Variants in TG observed in about 807,000 individuals in gnomAD.
The protein encoded by TG is thyroid hormones.
Under a neutral mutation model 324.7 loss-of-function variants are expected in TG, and 270 were observed. The observed-to-expected ratio is 0.83, with a 90% CI of 0.75 to 0.92. The LOEUF (loss-of-function observed/expected upper bound fraction) is 0.92. TG is among the 40% of genes least tolerant of loss of function. TG has a pLI of 0.00. For synonymous variants in TG, 1,401 were observed against 1,327.0 expected, an observed-to-expected ratio of 1.06 and a Z score of -1.21; for missense variants, 3,591 against 3,456.4, an observed-to-expected ratio of 1.04 and a Z score of -0.98.
chr8:133,117,345 CA>C (rs1850780952), intron 45 of TG, among the ~76,000 whole-genome samples: 1 of 152,124 alleles, frequency 6.6e-6, no homozygotes, highest in Admixed American at 6.5e-5. Context: ...AATAGCTGAA[CA>C]AAGGAAGCAG....
At chr8:132,956,556 G>C (rs1826900889) in intron 27 of TG, among the ~76,000 whole-genome samples, 3 of 152,160 alleles carry the variant, frequency 2.0e-5, no homozygotes, top group Non-Finnish European at 1.5e-5. Flanking sequence ...AGAGAACAGG[G>C]TTCTAGGCAG....
At position 133,082,261 on chromosome 8, in the gene TG, G is replaced by A. The variant is rs1391544897; in HGVS notation, c.7240-12783G>A. ...TTCAAAAACTGTAAGTTCCAAGAAG[G>A]CAGGAGTGTATCTGTTTGGCCAGTT... On this transcript the variant is annotated intron_variant, in intron 41 of 47. Transcript: ENST00000220616. Among the ~76,000 whole-genome samples, 3 of 152,168 alleles carry A rather than the reference G, an allele frequency of 2.0e-5. No individual in the cohort carries two copies. In the East Asian group the frequency reaches 5.8e-4, roughly 29 times the overall value.
intron 41 of TG, among the ~76,000 whole-genome samples, chr8:133,088,068 G>T (rs1846889019): frequency 6.6e-6 from 1 of 152,218 alleles, no homozygotes; most frequent in South Asian, 2.1e-4. Context: ...GGTAGTGGGA[G>T]TTTAAAGGAG....
At chr8:133,068,153 A>G (rs1164730329) in intron 41 of TG, among the ~76,000 whole-genome samples, 1 of 152,244 alleles carries the variant, frequency 6.6e-6, no homozygotes, top group Non-Finnish European at 1.5e-5. Flanking sequence ...AAAGGCTCAG[A>G]GAGGGCAAGC....
intron 41 of TG, among the ~76,000 whole-genome samples, chr8:133,077,735 ATGTGTGTGTGTG>A (rs34749093): frequency 2.0e-5 from 3 of 148,062 alleles, no homozygotes; most frequent in African/African-American, 7.5e-5. Context: ...TCTGGTGTGT[ATGTGTGTGTGTG>A]TGTGTGTGTG....
chr8:132,977,424 T>C (rs1393002310), intron 34 of TG, among the ~76,000 whole-genome samples: 1 of 152,142 alleles, frequency 6.6e-6, no homozygotes, highest in African/African-American at 2.4e-5. Flanking sequence ...GTGACATCTA[T>C]ACTGAGTGAT....
intron 47 of TG, 106 bp downstream of exon 47, chr8:133,133,766 A>C: frequency 3.9e-6 from 5 of 1,284,422 alleles, no homozygotes; most frequent in Non-Finnish European, 5.5e-6. Flanking sequence ...CCAAGGGGTC[A>C]CCAGTGCCAA....
At chr8:133,020,797 T>A (rs910809539) in intron 39 of TG, among the ~76,000 whole-genome samples, 2 of 152,152 alleles carry the variant, frequency 1.3e-5, no homozygotes, top group African/African-American at 4.8e-5. Context: ...TCTACCACCT[T>A]GGGTGGAAGA....
chr8:133,081,404 G>C (rs766659564), intron 41 of TG, among the ~76,000 whole-genome samples: 14 of 152,190 alleles, frequency 9.2e-5, no homozygotes, highest in South Asian at 2.1e-4. Flanking sequence ...AAACCATCTG[G>C]GGGGAGAGCA....
intron 47 of TG, among the ~76,000 whole-genome samples, 168 bp from the exon 48 acceptor site, chr8:133,134,508 A>G (rs1263473479): frequency 6.6e-6 from 1 of 152,190 alleles, no homozygotes; most frequent in African/African-American, 2.4e-5. Context: ...GCATGTCCCT[A>G]TAGCCAGGAG....
chr8:133,054,891 CA>C (rs1476606929), intron 41 of TG, among the ~76,000 whole-genome samples: 1 of 152,138 alleles, frequency 6.6e-6, no homozygotes, highest in African/African-American at 2.4e-5. Context: ...GCTGCATGAC[CA>C]TTTCTTTTTA....
chr8:133,100,941 A>G (rs372029074), intron 43 of TG, among the ~76,000 whole-genome samples: 119 of 150,366 alleles, frequency 7.9e-4, no homozygotes, highest in Middle Eastern at 6.8e-3. Flanking sequence ...GTAGGGAACC[A>G]TGAACCAGTA....
At position 133,095,148 on chromosome 8, in the gene TG, A is replaced by G. The variant is rs764131418; in HGVS notation, c.7344A>G (p.Gln2448=). ...TCAGTTGCCCCATGTCATCCAGCCA[A>G]GAAGTGGTGTCCTGCCTCCGCCAGA... ...KEVSCPMSSS[Q]EVVSCLRQKP... is the part of the protein sequence containing the mutation. Residue 2448 remains glutamine, a synonymous_variant, in exon 42 of 48, where the codon CAA becomes CAG. Transcript: ENST00000220616. 2 of 1,614,264 alleles carry G rather than the reference A, an allele frequency of 1.2e-6. No homozygotes were observed. The highest frequency in any genetic ancestry group is 1.7e-6 in the Non-Finnish European group (2 of 1,180,046).
intron 15 of TG, 90 bp downstream of exon 15, chr8:132,900,429 C>A: frequency 1.7e-6 from 2 of 1,205,040 alleles, no homozygotes; most frequent in Non-Finnish European, 2.4e-6. Flanking sequence ...TGTCCCAGCT[C>A]TACTGCTTCC....
intron 34 of TG, among the ~76,000 whole-genome samples, chr8:132,978,757 C>T (rs1027892424): frequency 6.6e-6 from 1 of 152,122 alleles, no homozygotes; most frequent in Non-Finnish European, 1.5e-5. Flanking sequence ...GTAGCATGTC[C>T]CTGCCCTTAC....
At chr8:132,965,389 T>G (rs1205876794) in intron 29 of TG, among the ~76,000 whole-genome samples, 1 of 152,196 alleles carries the variant, frequency 6.6e-6, no homozygotes, top group African/African-American at 2.4e-5. Context: ...GCCTGCTTTA[T>G]GAAGTGTGGA....
intron 10 of TG, among the ~76,000 whole-genome samples, chr8:132,888,971 T>C (rs765152511): frequency 2.0e-5 from 3 of 152,194 alleles, no homozygotes; most frequent in Non-Finnish European, 2.9e-5. Flanking sequence ...AATTGACCAA[T>C]GAATATTACA....
intron 44 of TG, among the ~76,000 whole-genome samples, chr8:133,114,071 G>A (rs1281072612): frequency 6.6e-6 from 1 of 152,154 alleles, no homozygotes; most frequent in African/African-American, 2.4e-5. Flanking sequence ...CCCATAGTGG[G>A]GCAGCATTTT....
At chr8:133,042,678 C>CTT (rs58739514) in intron 41 of TG, among the ~76,000 whole-genome samples, 1,443 of 56,658 alleles carry the variant, frequency 0.025, 342 homozygotes, top group African/African-American at 0.039. Context: ...CATTCTGTGT[C>CTT]TTTTTTTTTT....
Sources: allele counts gnomAD v4.1 joint callset (sites outside exome capture counted in the v4.1 genomes callset), GRCh38; gene constraint gnomAD v4.1.1; transcripts MANE v1.5; gene names NCBI Gene and HGNC (gene_info 2026-07-23, HGNC 2026-07-21).